CR1: variants seen among roughly 807,000 people sequenced by gnomAD.
CR1 encodes complement C3b/C4b receptor 1 (Knops blood group).
Under a neutral mutation model 187.3 loss-of-function variants are expected in CR1, and 116 were observed. That is an observed-to-expected ratio of 0.62 (90% CI 0.53 to 0.72). CR1 has a LOEUF of 0.72. Ranked by LOEUF, CR1 falls within the 30% of genes least tolerant of loss-of-function variation. The probability of loss-of-function intolerance (pLI) is 0.00; values close to 1 mark genes in which losing one functional copy is unlikely to be tolerated. For synonymous variants in CR1, 576 were observed against 747.1 expected, an observed-to-expected ratio of 0.77 and a Z score of 3.73; for missense variants, 1,731 against 2,110.7, an observed-to-expected ratio of 0.82 and a Z score of 3.52.
intron 5 of CR1, among the ~76,000 whole-genome samples, chr1:207,525,161 A>T (rs2019234): frequency 0.072 from 10,899 of 151,950 alleles, 1,427 homozygotes; most frequent in African/African-American, 0.25. Flanking sequence ...GCTCAACCAT[A>T]AGAAACCACC....
At chr1:207,579,390 G>A (rs770465667) in intron 29 of CR1, among the ~76,000 whole-genome samples, 4 of 152,160 alleles carry the variant, frequency 2.6e-5, no homozygotes, top group Non-Finnish European at 5.9e-5. Context: ...ATATAAAGAC[G>A]GATGTACTGA....
Position 207,614,506 on chromosome 1 carries a change from A to G in CR1, c.6661+17A>G, listed in dbSNP as rs1337232840. 5 of 1,602,918 alleles carry G rather than the reference A, an allele frequency of 3.1e-6. No individual in the cohort carries two copies. Among genetic ancestry groups the G allele is most frequent in the South Asian group, 1.1e-5 (1 of 90,888 alleles). On this transcript the variant is annotated intron_variant, in intron 40 of 46. Transcript: ENST00000367049. ...TGTGTGAACGTGAGTAGAAAGAACT[A>G]TGTAGTTTGGATAGCTCTCCTTATT... is the stretch of plus-strand genomic sequence containing the variant.
intron 28 of CR1, 121 bp downstream of exon 28, chr1:207,575,801 C>G (rs2102335569): frequency 6.7e-7 from 1 of 1,483,004 alleles, no homozygotes; most frequent in African/African-American, 1.4e-5. Context: ...TTTGAAGAAT[C>G]TAGTCATATC....
intron 44 of CR1, 79 bp from the exon 45 acceptor site, chr1:207,622,914 G>A: frequency 1.0e-6 from 1 of 967,822 alleles, no homozygotes; most frequent in Non-Finnish European, 1.6e-6. Flanking sequence ...AATCTGTAGT[G>A]GGACTGGATA....
chr1:207,578,298 T>C, intron 29 of CR1, 95 bp downstream of exon 29: 1 of 1,602,930 alleles, frequency 6.2e-7, no homozygotes, highest in Non-Finnish European at 8.5e-7. Context: ...GTATGTATGG[T>C]GAGGAGGGTG....
At chr1:207,501,887 A>G (rs1471784330) in intron 1 of CR1, among the ~76,000 whole-genome samples, 2 of 151,538 alleles carry the variant, frequency 1.3e-5, no homozygotes, top group Non-Finnish European at 2.9e-5. Flanking sequence ...AATGCATAAC[A>G]CTGAAAATAA....
chr1:207,581,290 A>G (rs1430922950), intron 31 of CR1, among the ~76,000 whole-genome samples: 1 of 151,302 alleles, frequency 6.6e-6, no homozygotes, highest in Admixed American at 6.6e-5. Context: ...GTATATGTAT[A>G]CGTATACATA....
At chr1:207,506,929 C>T (rs763760921) in intron 3 of CR1, 116 bp downstream of exon 3, 33 of 786,882 alleles carry the variant, frequency 4.2e-5, no homozygotes, top group Middle Eastern at 2.6e-4. Context: ...TGCTCTTTAA[C>T]GGCTTCAACA....
At chr1:207,635,145 T>C (rs56366665) in intron 46 of CR1, among the ~76,000 whole-genome samples, 3,114 of 152,208 alleles carry the variant, frequency 0.02, 105 homozygotes, top group African/African-American at 0.07. Context: ...CACCTGTGGA[T>C]GTTTCTCATT....
intron 35 of CR1, among the ~76,000 whole-genome samples, chr1:207,594,136 A>G (rs1661358628): frequency 6.6e-6 from 1 of 152,222 alleles, no homozygotes; most frequent in African/African-American, 2.4e-5. Context: ...TCATCCTTCT[A>G]TAAAGACACA....
intron 1 of CR1, among the ~76,000 whole-genome samples, chr1:207,500,415 G>C (rs946844986): frequency 1.3e-5 from 2 of 152,204 alleles, no homozygotes; most frequent in African/African-American, 4.8e-5. Flanking sequence ...GGAAAGCAGA[G>C]TGTTCTTTGG....
chr1:207,639,283 C>T, intron 46 of CR1, 114 bp from the exon 47 acceptor site: 3 of 932,792 alleles, frequency 3.2e-6, no homozygotes, highest in Non-Finnish European at 3.3e-6. Flanking sequence ...AAAGCAACTC[C>T]TGTTATTGTG....
chr1:207,566,634 C>T (rs986754408), intron 24 of CR1, among the ~76,000 whole-genome samples: 1 of 150,026 alleles, frequency 6.7e-6, no homozygotes, highest in Non-Finnish European at 1.5e-5. Flanking sequence ...GTTTGAGACT[C>T]CTTAAATTCT....
intron 1 of CR1, among the ~76,000 whole-genome samples, chr1:207,502,456 G>C (rs1659300680): frequency 6.6e-6 from 1 of 152,198 alleles, no homozygotes; most frequent in Non-Finnish European, 1.5e-5. Context: ...ATAAGAAAGT[G>C]ACATTTTAGC....
intron 4 of CR1, among the ~76,000 whole-genome samples, chr1:207,520,822 T>C (rs1659952965): frequency 6.6e-6 from 1 of 152,298 alleles, no homozygotes; most frequent in African/African-American, 2.4e-5. Context: ...CTAAGTGTGG[T>C]TCCTCTGAAG....
In CR1 at chr1:207,523,828, T is replaced by G. The variant is rs1660076326; in HGVS notation, c.705T>G (p.Pro235=). 4.3e-6 allele frequency: 7 copies of G among 1,611,654 alleles called. No individual in the cohort carries two copies. In the Admixed American group the frequency reaches 1.0e-4, roughly 23 times the overall value. ...GCCCCGCCCCTCAGTGCATTATACCTAACAAATGCACGCCTCCAAATGTGG... is the reference window on the plus strand; with the variant it reads ...GCCCCGCCCCTCAGTGCATTATACCGAACAAATGCACGCCTCCAAATGTGG... ...WSGPAPQCII[P]NKCTPPNVEN... is the part of the protein sequence containing the mutation. The change falls in exon 5 of 47, where the codon CCT becomes CCG. Residue 235 remains proline, a synonymous_variant. Coordinates refer to ENST00000367049, the MANE Select transcript of CR1 (RefSeq NM_000651.6).
Position 207,614,425 on chromosome 1 carries a change from T to A in CR1, c.6597T>A (p.Ser2199=), listed in dbSNP as rs1662033779. The A allele has an allele frequency of 6.2e-7, 1 of 1,611,158 alleles. No individual in the cohort carries two copies. The highest frequency in any genetic ancestry group is 8.5e-7 in the Non-Finnish European group (1 of 1,178,026). The change falls in exon 40 of 47, where the codon TCT becomes TCA. Residue 2199 remains serine (S), a synonymous_variant. Transcript: ENST00000367049. The part of the protein sequence containing the change: ...CDEGFRLKGR[S]ASHCVLAGMK... ...TTAGGTTCCGATTAAAAGGCAGGTCTGCTAGTCATTGTGTCTTGGCTGGAA... is the reference window on the plus strand; with the variant it reads ...TTAGGTTCCGATTAAAAGGCAGGTCAGCTAGTCATTGTGTCTTGGCTGGAA...
chr1:207,603,988 G>T (rs1453745546), intron 35 of CR1, among the ~76,000 whole-genome samples: 1 of 152,144 alleles, frequency 6.6e-6, no homozygotes, highest in Non-Finnish European at 1.5e-5. Context: ...AGTACATATT[G>T]CCAAAGTGCC....
intron 35 of CR1, among the ~76,000 whole-genome samples, chr1:207,593,746 CT>C (rs1469207178): frequency 2.0e-5 from 3 of 152,120 alleles, no homozygotes; most frequent in Non-Finnish European, 4.4e-5. Flanking sequence ...CTACAAGGAA[CT>C]TAAACAAATT....
Sources: gnomAD v4.1 joint callset for allele counts (sites outside exome capture counted in the v4.1 genomes callset) on GRCh38, gnomAD v4.1.1 for gene constraint, MANE v1.5 for transcripts, NCBI Gene and HGNC (gene_info 2026-07-23, HGNC 2026-07-21) for gene names.